Variants in SMG9 observed in about 807,000 individuals in gnomAD.
SMG9 encodes nonsense-mediated mRNA decay factor SMG9.
Under a neutral mutation model 64.0 loss-of-function variants are expected in SMG9, and 55 were observed. The ratio of observed to expected loss-of-function variants is 0.86; its 90% CI spans 0.69 to 1.08. The LOEUF (loss-of-function observed/expected upper bound fraction) is 1.08. Among genes scored for constraint, SMG9 ranks in the 50% least tolerant of loss-of-function variants. SMG9 has a pLI of 0.00. For missense variants in SMG9, 554 were observed against 681.3 expected (o/e 0.81, Z 2.08); for synonymous variants, 244 against 254.8 (o/e 0.96, Z 0.41).
Position 43,734,484 on chromosome 19 carries a change from G to A in SMG9, c.1007C>T (p.Thr336Ile). ...GGTGGAGGGCTTCACCATCTCTGCTGTCTGCAGGAACCTTGGGGTTTGGGG... is the reference window on the plus strand; with the variant it reads ...GGTGGAGGGCTTCACCATCTCTGCTATCTGCAGGAACCTTGGGGTTTGGGG... ...TDLSLYRFLQ[T>I]AEMVKPSTPS... The change falls in exon 10 of 14, where the codon ACA (threonine) becomes ATA (isoleucine). Residue 336 changes from threonine (T) to isoleucine (I), a missense_variant. By Grantham distance (89) the Thr-to-Ile change is moderately conservative (BLOSUM62 -1). Transcript: ENST00000270066. The A allele has an allele frequency of 6.4e-7, 1 of 1,557,786 alleles. No individual in the cohort carries two copies. Among genetic ancestry groups the A allele is most frequent in the East Asian group, 2.4e-5 (1 of 41,626 alleles).
intron 12 of SMG9, 84 bp downstream of exon 12, chr19:43,733,240 C>T (rs553630261): frequency 5.5e-5 from 84 of 1,538,934 alleles, no homozygotes; most frequent in Admixed American, 2.8e-4. Context: ...CAACCCATGT[C>T]GCCTCCTAGA....
chr19:43,752,367 T>C (rs1296008220), intron 1 of SMG9, among the ~76,000 whole-genome samples: 2 of 152,240 alleles, frequency 1.3e-5, no homozygotes, highest in Non-Finnish European at 2.9e-5. Flanking sequence ...TACTTAACTG[T>C]TTGTAGAACT....
At chr19:43,736,819 G>A (rs1968683949) in intron 9 of SMG9, among the ~76,000 whole-genome samples, 1 of 152,196 alleles carries the variant, frequency 6.6e-6, no homozygotes, top group African/African-American at 2.4e-5. Context: ...GAGTAACAGG[G>A]GATGCTATGT....
At chr19:43,734,598 T>C (rs1315535462) in intron 9 of SMG9, 103 bp from the exon 10 acceptor site, 2 of 732,406 alleles carry the variant, frequency 2.7e-6, no homozygotes, top group African/African-American at 1.8e-5. Flanking sequence ...GCTACAGCCA[T>C]GCTCAGAAAA....
rs1441239133 is a variant in SMG9, at chr19:43,731,207, C to T, written c.*389G>A. 1.9e-6 allele frequency: 2 copies of T among 1,031,960 alleles called. No homozygotes were observed. The highest frequency in any genetic ancestry group is 2.3e-6 in the Non-Finnish European group (2 of 859,510). The allele number at this position is 1,031,960 out of a possible 1,614,324, so 63.9% of individuals were successfully genotyped here. A position where few individuals can be genotyped will look rare whatever the true frequency, so the allele number is the denominator to read the frequency against. ...AGATCTGTTCCAATAAAGAGCTCTCCAGACCCTGCCTCACCTTACAGGGAA... is the reference window on the plus strand; with the variant it reads ...AGATCTGTTCCAATAAAGAGCTCTCTAGACCCTGCCTCACCTTACAGGGAA... On this transcript the variant is annotated 3_prime_UTR_variant, in exon 14 of 14. Coordinates refer to ENST00000270066, the MANE Select transcript of SMG9 (RefSeq NM_019108.4).
At chr19:43,734,103 C>A (rs1968573530) in intron 10 of SMG9, 1 of 535,850 alleles carries the variant, frequency 1.9e-6, no homozygotes, top group Non-Finnish European at 3.3e-6. Flanking sequence ...TACTCACTTC[C>A]TGAGTTGGGA....
chr19:43,752,952 C>G (rs1969235814), intron 1 of SMG9, among the ~76,000 whole-genome samples: 1 of 149,982 alleles, frequency 6.7e-6, no homozygotes, highest in Non-Finnish European at 1.5e-5. Flanking sequence ...TTTGCTGACC[C>G]TTGCTTAGCT....
chr19:43,750,656 TG>T lies in SMG9; in HGVS notation c.85del (p.Gln29ArgfsTer73). 4.3e-6 allele frequency: 7 copies of T among 1,614,102 alleles called. No homozygotes were observed. Among genetic ancestry groups the T allele is most frequent in the Non-Finnish European group, 5.9e-6 (7 of 1,180,024 alleles). On this transcript the variant is annotated frameshift_variant, in exon 2 of 14. Coordinates refer to ENST00000270066, the MANE Select transcript of SMG9 (RefSeq NM_019108.4). LOFTEE classifies it high-confidence loss of function. ...CCGACCACCAGGCCCAGAGAGATTCTGGGGGCCACCAGAGCCAGGCTCCTTC... is the reference window on the plus strand; with the variant it reads ...CCGACCACCAGGCCCAGAGAGATTCTGGGGCCACCAGAGCCAGGCTCCTTC... The part of the protein sequence containing the change: ...RWKEPGSGGP[Q>X]NLSGPGGRER...
chr19:43,747,747 G>A lies in SMG9; in HGVS notation c.376C>T (p.Pro126Ser), dbSNP rs753092840. ...ASTPEGTAPP[P>S]PAAPAPPKGE... ...TTGGGTGGCGCAGGGGCTGCAGGGG[G>A]TGGTGGGGCGGTGCCCTCAGGGGTA... Residue 126 changes from proline to serine, a missense_variant, in exon 4 of 14, where the codon CCC becomes TCC. By Grantham distance (74) the Pro-to-Ser change is moderately conservative (BLOSUM62 -1). Coordinates refer to ENST00000270066, the MANE Select transcript of SMG9 (RefSeq NM_019108.4). 1.3e-5 allele frequency: 21 copies of A among 1,610,172 alleles called. No homozygotes were observed. The highest frequency in any genetic ancestry group is 1.8e-5 in the Non-Finnish European group (21 of 1,178,708).
At position 43,733,009 on chromosome 19, in the gene SMG9, A is replaced by G. The variant is rs959353843; in HGVS notation, c.1340-7T>C. On this transcript the variant is annotated splice_polypyrimidine_tract_variant and splice_region_variant and intron_variant, in intron 12 of 13. Transcript: ENST00000270066. ...AGTGGGCTGGAACCAGGTCCTGGAA[A>G]GTTGGGGCAGGGAGGGTAAGAGGGA... is the stretch of plus-strand genomic sequence containing the variant. The G allele has an allele frequency of 6.2e-7, 1 of 1,605,810 alleles. No homozygotes were observed. Among genetic ancestry groups the G allele is most frequent in the Admixed American group, 1.7e-5 (1 of 58,728 alleles).
At chr19:43,737,569 C>T (rs184901380) in intron 9 of SMG9, 28 bp downstream of exon 9, 1 of 1,599,896 alleles carries the variant, frequency 6.3e-7, no homozygotes, top group Non-Finnish European at 8.5e-7. Flanking sequence ...ATTCCTCCTC[C>T]CCACCCTCCA....
chr19:43,741,379 A>G (rs1408321209), intron 6 of SMG9, among the ~76,000 whole-genome samples: 1 of 152,174 alleles, frequency 6.6e-6, no homozygotes, highest in Non-Finnish European at 1.5e-5. Context: ...CCAGCATGGC[A>G]AGAGCAGAAA....
chr19:43,746,804 C>T (rs1035284046), intron 5 of SMG9, among the ~76,000 whole-genome samples: 3 of 147,838 alleles, frequency 2.0e-5, no homozygotes, highest in East Asian at 2.0e-4. Context: ...ACTGAGACAG[C>T]GTGGGCTTCT....
Position 43,737,645 on chromosome 19 carries a change from T to C in SMG9, c.947A>G (p.His316Arg), listed in dbSNP as rs372754806. The C allele has an allele frequency of 2.1e-5, 34 of 1,613,930 alleles. No homozygotes were observed. The highest frequency in any genetic ancestry group is 6.7e-5 in the East Asian group (3 of 44,872). ...CCAGTCCTGGACAACAATCACCACATGGCAGACCGTGAAAAGGAAGGCAGC... is the reference window on the plus strand; with the variant it reads ...CCAGTCCTGGACAACAATCACCACACGGCAGACCGTGAAAAGGAAGGCAGC... The part of the protein sequence containing the change: ...QIAAFLFTVC[H>R]VVIVVQDWFT... Residue 316 changes from histidine (H) to arginine (R), a missense_variant, in exon 9 of 14, where the codon CAT (histidine) becomes CGT (arginine). By Grantham distance (29) the His-to-Arg change is conservative. Coordinates refer to ENST00000270066, the MANE Select transcript of SMG9 (RefSeq NM_019108.4).
rs1305741006 is a variant in SMG9 at position 43,750,697 on chromosome 19, C to A, written c.45G>T (p.Glu15Asp). The change falls in exon 2 of 14, where the codon GAG becomes GAT. Residue 15 changes from glutamate (E) to aspartate (D), a missense_variant. By Grantham distance (45) the Glu-to-Asp change is conservative (BLOSUM62 2). Transcript: ENST00000270066. ...CAGGCTCCTTCCACCGTCGCCGCCG[C>A]TCTATCCCATAGAGTCCAGGCTGAC... Reference protein sequence around the residue: ...GHSQPGLYGIERRRRWKEPGS... With the variant: ...GHSQPGLYGIDRRRRWKEPGS... The A allele has an allele frequency of 1.2e-6, 2 of 1,614,024 alleles. No individual in the cohort carries two copies. Among genetic ancestry groups the A allele is most frequent in the East Asian group, 2.2e-5 (1 of 44,878 alleles).
At chr19:43,748,553 T>G (rs1599658260) in intron 2 of SMG9, 146 of 460,496 alleles carry the variant, frequency 3.2e-4, no homozygotes, top group East Asian at 5.6e-5. Flanking sequence ...ACATGGCAGG[T>G]GCTCACTATG....
chr19:43,750,104 TC>T (rs1171947780), intron 2 of SMG9: 9 of 519,262 alleles, frequency 1.7e-5, no homozygotes, highest in African/African-American at 1.7e-4. Context: ...CTATGGCACC[TC>T]TCAGCTCAAA....
intron 10 of SMG9, 62 bp downstream of exon 10, chr19:43,734,327 C>T: frequency 7.3e-7 from 1 of 1,364,144 alleles, no homozygotes; most frequent in Non-Finnish European, 1.0e-6. Flanking sequence ...CAGCGTGCTC[C>T]TGACTTTCAG....
chr19:43,754,550 G>T (rs12609056), intron 1 of SMG9, 104 bp downstream of exon 1: 38,324 of 152,002 alleles, frequency 0.25, 5,129 homozygotes, highest in African/African-American at 0.35. Flanking sequence ...ACCCCCGCCG[G>T]ACGTCCCAGC....
Sources: allele counts gnomAD v4.1 joint callset (sites outside exome capture counted in the v4.1 genomes callset), GRCh38; gene constraint gnomAD v4.1.1; transcripts MANE v1.5; gene names NCBI Gene and HGNC (gene_info 2026-07-23, HGNC 2026-07-21).